AMDHD1: variants seen among roughly 807,000 people sequenced by gnomAD.
AMDHD1 encodes probable imidazolonepropionase.
A neutral mutation model predicts 44.1 loss-of-function variants in AMDHD1; 45 were observed. The ratio of observed to expected loss-of-function variants is 1.02; its 90% confidence interval spans 0.80 to 1.31. The LOEUF (loss-of-function observed/expected upper bound fraction) is 1.31, where lower values mean the gene tolerates loss of function less well. AMDHD1 is among the 50% of genes most tolerant of loss of function. The pLI is 0.00. For synonymous variants in AMDHD1, 206 were observed against 205.0 expected (o/e 1.00, Z -0.04); for missense variants, 586 against 552.1 (o/e 1.06, Z -0.61).
Position 95,967,997 on chromosome 12 carries a change from G to T in AMDHD1, c.*154G>T, listed in dbSNP as rs760730416. 5.2e-5 allele frequency: 28 copies of T among 542,908 alleles called. No homozygotes were observed. Among genetic ancestry groups the T allele is most frequent in the Non-Finnish European group, 7.7e-5 (24 of 313,344 alleles). The allele number at this position is 542,908 out of a possible 1,614,324, so 33.6% of individuals were successfully genotyped here. ...AGTCACTCAAAAAACCCAAGGGATA[G>T]ATTTATTTTCATTTAACACATGCAT... On this transcript the variant is annotated 3_prime_UTR_variant, in exon 9 of 9. Transcript: ENST00000266736.
intron 2 of AMDHD1, among the ~76,000 whole-genome samples, chr12:95,953,832 C>T (rs188939287): frequency 9.9e-5 from 15 of 152,268 alleles, no homozygotes; most frequent in African/African-American, 3.4e-4. Context: ...CTGCTGATCT[C>T]GGTCTCCCAA....
intron 2 of AMDHD1, among the ~76,000 whole-genome samples, chr12:95,954,121 T>C (rs2080538304): frequency 6.6e-6 from 1 of 152,214 alleles, no homozygotes; most frequent in African/African-American, 2.4e-5. Flanking sequence ...TTAAAATACA[T>C]TTCTTTCTTG....
rs1555234323 is a variant in AMDHD1 at position 95,944,327 on chromosome 12, T to TTTTG, written c.137+795_137+796insGTTT. Among the ~76,000 whole-genome samples the TTTTG allele has an allele frequency of 2.1e-5, 3 of 141,574 alleles. No homozygotes were observed. The Admixed American group carries it at 2.1e-4, about 10-fold the overall frequency. The allele number at this position is 141,574 out of a possible 152,430, so 92.9% of individuals were successfully genotyped here. ...TTTAAGGGACTGTGGGTTGGTTTAA[T>TTTTG]TTTATTTATTTATTTATTTATTTAT... On this transcript the variant is annotated intron_variant, in intron 1 of 8. Coordinates refer to ENST00000266736, the MANE Select transcript of AMDHD1 (RefSeq NM_152435.3).
chr12:95,964,255 T>A (rs1232682216), intron 6 of AMDHD1, among the ~76,000 whole-genome samples: 6 of 152,022 alleles, frequency 3.9e-5, no homozygotes, highest in Admixed American at 3.9e-4. Flanking sequence ...GCTTTCTGGC[T>A]TCTCGTTTCT....
chr12:95,967,900 TA>T lies in AMDHD1; in HGVS notation c.*61del. 1.7e-6 allele frequency: 2 copies of T among 1,156,882 alleles called. No individual in the cohort carries two copies. The highest frequency in any genetic ancestry group is 2.7e-5 in the Admixed American group (1 of 36,850). 71.7% of individuals were successfully genotyped at this position (1,156,882 alleles called of 1,614,324 possible). ...ATGAAATAAGTCAATATAGTTATAT[TA>T]AAAGTTAAAACACCTTAATATTTAC... On this transcript the variant is annotated 3_prime_UTR_variant, in exon 9 of 9. Coordinates refer to ENST00000266736, the MANE Select transcript of AMDHD1 (RefSeq NM_152435.3).
Position 95,956,675 on chromosome 12 carries a change from G to A in AMDHD1, c.310-10G>A. Reference sequence around the variant, plus strand: ...GCATGTGCTGGCCTAAAGGTGAGGCGTGTGTTCAGTTGGCAGGAGCCACCT... The same window carrying A: ...GCATGTGCTGGCCTAAAGGTGAGGCATGTGTTCAGTTGGCAGGAGCCACCT... On this transcript the variant is annotated splice_polypyrimidine_tract_variant and intron_variant, in intron 3 of 8. Coordinates refer to ENST00000266736, the MANE Select transcript of AMDHD1 (RefSeq NM_152435.3). 2 of 1,613,068 alleles carry A rather than the reference G, an allele frequency of 1.2e-6. No homozygotes were observed. Among genetic ancestry groups the A allele is most frequent in the Non-Finnish European group, 1.7e-6 (2 of 1,179,132 alleles).
intron 2 of AMDHD1, 36 bp downstream of exon 2, chr12:95,952,859 G>A (rs1272280220): frequency 1.6e-6 from 2 of 1,253,256 alleles, no homozygotes; most frequent in African/African-American, 3.0e-5. Context: ...TCTACAAGTA[G>A]CTTTAACAGT....
Position 95,956,902 on chromosome 12 carries a change from C to T in AMDHD1, c.527C>T (p.Ala176Val), listed in dbSNP as rs748317435. The T allele has an allele frequency of 1.2e-6, 2 of 1,613,368 alleles. No individual in the cohort carries two copies. Among genetic ancestry groups the T allele is most frequent in the Non-Finnish European group, 1.7e-6 (2 of 1,180,012 alleles). The change falls in exon 4 of 9, where the codon GCC (alanine) becomes GTC (valine). Residue 176 changes from alanine (A) to valine (V), a missense_variant. Transcript: ENST00000266736. ...AAGATGCTGCGCGTGATTGAGCGCG[C>T]CCGGCGGGAGCTGGACATCGGCATC... ...ELKMLRVIER[A>V]RRELDIGISA... is the part of the protein sequence containing the mutation.
chr12:95,964,991 G>A (rs2080602343), intron 6 of AMDHD1, among the ~76,000 whole-genome samples: 1 of 131,186 alleles, frequency 7.6e-6, no homozygotes, highest in Non-Finnish European at 1.6e-5. Context: ...ATTGCAAAAT[G>A]GAAACTAATA....
At position 95,956,936 on chromosome 12, in the gene AMDHD1, C is replaced by G. The variant is rs766833697; in HGVS notation, c.561C>G (p.Thr187=). The stretch of plus-strand genomic sequence containing the variant: ...AGCTGGACATCGGCATCTCGGCTAC[C>G]TACTGCGGGGCTCATTCAGTGCCTA... The part of the protein sequence containing the change: ...RRELDIGISA[T]YCGAHSVPKG... Residue 187 remains threonine, a synonymous_variant, in exon 4 of 9, where the codon ACC becomes ACG. Coordinates refer to ENST00000266736, the MANE Select transcript of AMDHD1 (RefSeq NM_152435.3). 6.2e-7 allele frequency: 1 copy of G among 1,612,450 alleles called. No homozygotes were observed. Among genetic ancestry groups the G allele is most frequent in the Non-Finnish European group, 8.5e-7 (1 of 1,179,910 alleles).
chr12:95,944,179 G>T (rs2080481512), intron 1 of AMDHD1, among the ~76,000 whole-genome samples: 1 of 152,046 alleles, frequency 6.6e-6, no homozygotes, highest in Non-Finnish European at 1.5e-5. Context: ...GGGTAGCAAG[G>T]GAAGTTGGAT....
intron 4 of AMDHD1, among the ~76,000 whole-genome samples, chr12:95,959,248 C>T (rs568528562): frequency 2.0e-4 from 31 of 152,286 alleles, no homozygotes; most frequent in Non-Finnish European, 4.1e-4. Flanking sequence ...AGGTCTGCAT[C>T]TGGATTCCCA....
chr12:95,953,916 A>G (rs1303917492), intron 2 of AMDHD1, among the ~76,000 whole-genome samples: 2 of 152,162 alleles, frequency 1.3e-5, no homozygotes, highest in Admixed American at 1.3e-4. Context: ...AGACAAAGTC[A>G]GGGTGAAATG....
At chr12:95,952,855 A>G (rs2080531233) in intron 2 of AMDHD1, 32 bp downstream of exon 2, 5 of 1,326,542 alleles carry the variant, frequency 3.8e-6, no homozygotes, top group Non-Finnish European at 5.4e-6. Context: ...AAGGTCTACA[A>G]GTAGCTTTAA....
Position 95,967,803 on chromosome 12 carries a change from AAT to A in AMDHD1, c.1244_1245del (p.Tyr415CysfsTer4), listed in dbSNP as rs2080619628. The A allele has an allele frequency of 6.3e-7, 1 of 1,599,488 alleles. No individual in the cohort carries two copies. Among genetic ancestry groups the A allele is most frequent in the African/African-American group, 1.4e-5 (1 of 73,736 alleles). ...TTCGGAGGCCATCATGAATTAATTGAATATGTTATAGCTAAAGGAAAACTCAT... is the reference window on the plus strand; with the variant it reads ...TTCGGAGGCCATCATGAATTAATTGAATGTTATAGCTAAAGGAAAACTCAT... On this transcript the variant is annotated frameshift_variant, in exon 9 of 9. Coordinates refer to ENST00000266736, the MANE Select transcript of AMDHD1 (RefSeq NM_152435.3). LOFTEE classifies it high-confidence loss of function.
rs2080515172 is a variant in AMDHD1, at chr12:95,949,155, AAAAAG to A, written c.138-3557_138-3553del. On this transcript the variant is annotated intron_variant, in intron 1 of 8. Transcript: ENST00000266736. Reference sequence around the variant, plus strand: ...AAAAATAAATTAAAAAAAAAAAAAAAAAAAGAAAAAAAAAAAAAAAAAAGAGACTG... The same window carrying A: ...AAAAATAAATTAAAAAAAAAAAAAAAAAAAAAAAAAAAAAAAAAGAGACTG... Among the ~76,000 whole-genome samples, 3 of 18,748 alleles carry A rather than the reference AAAAAG, an allele frequency of 1.6e-4. 1 individual carries two copies. Among genetic ancestry groups the A allele is most frequent in the Non-Finnish European group, 2.5e-4 (3 of 11,942 alleles). 12.3% of individuals were successfully genotyped at this position (18,748 alleles called of 152,430 possible). A position where few individuals can be genotyped will look rare whatever the true frequency, so the allele number is the denominator to read the frequency against.
rs2080607065 is a variant in AMDHD1 at position 95,965,746 on chromosome 12, T to C, written c.999T>C (p.Ser333=). ...LDEGVIVALG[S]DFNPNAYCFS... The stretch of plus-strand genomic sequence containing the variant: ...AAGGAGTAATAGTTGCTCTGGGAAG[T>C]GATTTCAACCCCAATGCATATTGCT... Residue 333 remains serine (S), a synonymous_variant, in exon 7 of 9, where the codon AGT becomes AGC. Transcript: ENST00000266736. 6.2e-7 allele frequency: 1 copy of C among 1,613,140 alleles called. No individual in the cohort carries two copies. The highest frequency in any genetic ancestry group is 1.3e-5 in the African/African-American group (1 of 74,912).
chr12:95,945,206 GTTCTA>G (rs1466316233), intron 1 of AMDHD1, among the ~76,000 whole-genome samples: 1 of 152,154 alleles, frequency 6.6e-6, no homozygotes, highest in Admixed American at 6.5e-5. Context: ...TCCAAGACAT[GTTCTA>G]TGTTCACATC....
intron 1 of AMDHD1, among the ~76,000 whole-genome samples, chr12:95,945,629 G>T (rs1425267725): frequency 1.3e-5 from 2 of 152,160 alleles, no homozygotes; most frequent in African/African-American, 2.4e-5. Flanking sequence ...GTGTGTTCAA[G>T]GACAACTTAA....
Sources: allele counts gnomAD v4.1 joint callset (sites outside exome capture counted in the v4.1 genomes callset), GRCh38; gene constraint gnomAD v4.1.1; transcripts MANE v1.5; gene names NCBI Gene and HGNC (gene_info 2026-07-23, HGNC 2026-07-21).